GPC6: variants seen among roughly 807,000 people sequenced by gnomAD.
The protein encoded by GPC6 is glypican-6.
A neutral mutation model predicts 55.2 loss-of-function variants in GPC6; 14 were observed. The ratio of observed to expected loss-of-function variants is 0.25; its 90% CI spans 0.17 to 0.40. GPC6 has a LOEUF of 0.40. GPC6 is among the 10% of genes least tolerant of loss of function. The pLI is 1.00. For synonymous variants in GPC6, 278 were observed against 259.6 expected, an observed-to-expected ratio of 1.07 and a Z score of -0.68; for missense variants, 641 against 708.5, an observed-to-expected ratio of 0.90 and a Z score of 1.08.
intron 7 of GPC6, among the ~76,000 whole-genome samples, chr13:94,385,745 T>G (rs2139211658): frequency 6.6e-6 from 1 of 152,338 alleles, no homozygotes; most frequent in Admixed American, 6.5e-5. Context: ...TGAAGCTTTC[T>G]TCTTATCCAA....
chr13:93,223,944 G>A (rs1875688614), upstream of GPC6, among the ~76,000 whole-genome samples: 1 of 141,776 alleles, frequency 7.1e-6, no homozygotes. Context: ...CTGTCACCCA[G>A]GCTGGGGTGC....
chr13:93,467,862 A>G (rs2139323805), intron 1 of GPC6, among the ~76,000 whole-genome samples: 1 of 152,026 alleles, frequency 6.6e-6, no homozygotes, highest in South Asian at 2.1e-4. Context: ...AAGTGTTGAG[A>G]TTACAGGTGT....
chr13:94,196,653 C>T (rs1015099632), intron 4 of GPC6, among the ~76,000 whole-genome samples: 1 of 152,024 alleles, frequency 6.6e-6, no homozygotes, highest in Non-Finnish European at 1.5e-5. Context: ...AGAGTTTTAC[C>T]CAAGTGATTA....
chr13:93,605,575 G>A (rs994980381), intron 2 of GPC6, among the ~76,000 whole-genome samples: 8 of 151,830 alleles, frequency 5.3e-5, no homozygotes, highest in Non-Finnish European at 1.2e-4. Context: ...GGTGGCTCAC[G>A]CCTGTAATCC....
At chr13:93,433,097 C>T (rs1877430815) in intron 1 of GPC6, among the ~76,000 whole-genome samples, 1 of 152,030 alleles carries the variant, frequency 6.6e-6, no homozygotes, top group South Asian at 2.1e-4. Flanking sequence ...GGAAGTGTAT[C>T]TATATTTGAA....
At chr13:93,415,849 A>G (rs959372040) in intron 1 of GPC6, among the ~76,000 whole-genome samples, 1 of 151,946 alleles carries the variant, frequency 6.6e-6, no homozygotes, top group African/African-American at 2.4e-5. Context: ...TTTTTTATTG[A>G]CGTGTTAGAA....
intron 6 of GPC6, among the ~76,000 whole-genome samples, chr13:94,347,639 T>C (rs1878356754): frequency 6.6e-6 from 1 of 152,270 alleles, no homozygotes; most frequent in Non-Finnish European, 1.5e-5. Flanking sequence ...TTTAGGAATA[T>C]GAATGAGGCC....
At chr13:93,762,845 C>A (rs1296757033) in intron 2 of GPC6, among the ~76,000 whole-genome samples, 1 of 152,098 alleles carries the variant, frequency 6.6e-6, no homozygotes, top group Non-Finnish European at 1.5e-5. Context: ...TGTCACCCAC[C>A]ATTTATGCTA....
At chr13:93,540,650 C>G (rs1266786766) in intron 1 of GPC6, among the ~76,000 whole-genome samples, 3 of 152,204 alleles carry the variant, frequency 2.0e-5, no homozygotes, top group South Asian at 2.1e-4. Flanking sequence ...ATTAGCATGT[C>G]TATCATCTTA....
chr13:93,675,580 T>C (rs1179872048), intron 2 of GPC6, among the ~76,000 whole-genome samples: 1 of 152,168 alleles, frequency 6.6e-6, no homozygotes, highest in Non-Finnish European at 1.5e-5. Context: ...AAAAGAGTGC[T>C]GTAATCAGCC....
At chr13:93,406,032 GTCT>G (rs71788863) in intron 1 of GPC6, among the ~76,000 whole-genome samples, 46,135 of 151,952 alleles carry the variant, frequency 0.3, 8,993 homozygotes, top group Non-Finnish European at 0.45. Context: ...TAAGCCACAA[GTCT>G]TCTTGAAGCT....
intron 4 of GPC6, among the ~76,000 whole-genome samples, chr13:94,100,647 A>G (rs919697296): frequency 3.3e-5 from 5 of 152,176 alleles, no homozygotes; most frequent in Admixed American, 1.3e-4. Context: ...GAGCTGAGTC[A>G]CTTGGTTTGG....
At chr13:93,432,895 G>A (rs1182833177) in intron 1 of GPC6, among the ~76,000 whole-genome samples, 1 of 151,722 alleles carries the variant, frequency 6.6e-6, no homozygotes, top group Non-Finnish European at 1.5e-5. Context: ...GTGTGTGAGA[G>A]AGTGAGAGGG....
intron 2 of GPC6, among the ~76,000 whole-genome samples, chr13:93,665,168 G>A (rs914147064): frequency 1.3e-5 from 2 of 152,186 alleles, no homozygotes; most frequent in Non-Finnish European, 2.9e-5. Flanking sequence ...AATGTTTACT[G>A]CATTGTTATT....
At chr13:93,237,580 A>ATTTATGTATTTTTGTATTTTT (rs1876282524) in intron 1 of GPC6, among the ~76,000 whole-genome samples, 1 of 152,136 alleles carries the variant, frequency 6.6e-6, no homozygotes, top group Non-Finnish European at 1.5e-5. Context: ...ATTAAGTCTA[A>ATTTATGTATTTTTGTATTTTT]CTTATGTATT....
chr13:93,479,022 C>T (rs1049382137), intron 1 of GPC6, among the ~76,000 whole-genome samples: 2 of 152,048 alleles, frequency 1.3e-5, no homozygotes, highest in African/African-American at 4.8e-5. Context: ...AGTGAACAAA[C>T]CATAAAGAAT....
intron 6 of GPC6, among the ~76,000 whole-genome samples, chr13:94,306,820 A>T (rs1875970929): frequency 6.6e-6 from 1 of 152,208 alleles, no homozygotes; most frequent in Non-Finnish European, 1.5e-5. Context: ...CTGCCTGATT[A>T]TTTTTAATTC....
chr13:93,849,941 T>G (rs965046226), intron 3 of GPC6, among the ~76,000 whole-genome samples: 6 of 152,110 alleles, frequency 3.9e-5, no homozygotes, highest in Admixed American at 6.6e-5. Context: ...TAATCTCTTT[T>G]GTAAAGTGCT....
intron 3 of GPC6, among the ~76,000 whole-genome samples, chr13:93,901,771 C>T (rs183784849): frequency 3.0e-4 from 45 of 151,668 alleles, no homozygotes; most frequent in African/African-American, 1.0e-3. Flanking sequence ...CGTGGTAGTG[C>T]GTGCCTTTAA....
Sources: gnomAD v4.1 joint callset for allele counts (sites outside exome capture counted in the v4.1 genomes callset) on GRCh38, gnomAD v4.1.1 for gene constraint, MANE v1.5 for transcripts, NCBI Gene and HGNC (gene_info 2026-07-23, HGNC 2026-07-21) for gene names.